Variants in CGGBP1 observed in about 807,000 individuals in gnomAD.
CGGBP1 encodes CGG triplet repeat-binding protein 1.
In CGGBP1, 4 loss-of-function variants were observed where a neutral mutation model predicts 11.4. The ratio of observed to expected loss-of-function variants is 0.35; its 90% CI spans 0.17 to 0.80. The LOEUF is 0.80. CGGBP1 is among the 30% of genes least tolerant of loss of function. The pLI is 0.52. For synonymous variants in CGGBP1, 76 were observed against 74.1 expected, an observed-to-expected ratio of 1.03 and a Z score of -0.13; for missense variants, 135 against 202.1, an observed-to-expected ratio of 0.67 and a Z score of 2.01.
chr3:88,124,128 A>C (rs549890219), intron 2 of CGGBP1, among the ~76,000 whole-genome samples: 1 of 152,354 alleles, frequency 6.6e-6, no homozygotes, highest in South Asian at 2.1e-4. Flanking sequence ...GAACTGTTAA[A>C]ATACTAGAAG....
intron 2 of CGGBP1, chr3:88,135,431 A>G (rs1462376351): frequency 6.3e-6 from 2 of 318,508 alleles, no homozygotes; most frequent in Non-Finnish European, 1.1e-5. Context: ...TTCCATTACA[A>G]CCTTTTTTCT....
intron 2 of CGGBP1, among the ~76,000 whole-genome samples, chr3:88,069,612 A>G (rs1481978732): frequency 6.6e-6 from 1 of 152,230 alleles, no homozygotes; most frequent in African/African-American, 2.4e-5. Context: ...ATAATTGGCA[A>G]GCTTCAACAT....
At chr3:88,077,331 A>ATTTTTTTTTTTTTTTTTTTTT (rs372006323) in intron 2 of CGGBP1, among the ~76,000 whole-genome samples, 1 of 139,694 alleles carries the variant, frequency 7.2e-6, no homozygotes. Flanking sequence ...GCAGACTTAA[A>ATTTTTTTTTTTTTTTTTTTTT]TTGTTTTTTT....
chr3:88,088,143 T>G (rs1708433913), intron 2 of CGGBP1, among the ~76,000 whole-genome samples: 1 of 152,222 alleles, frequency 6.6e-6, no homozygotes, highest in African/African-American at 2.4e-5. Flanking sequence ...CTTTGCATTC[T>G]GGCATTTACA....
intron 2 of CGGBP1, among the ~76,000 whole-genome samples, chr3:88,075,593 T>A (rs1220359767): frequency 6.6e-6 from 1 of 152,226 alleles, no homozygotes; most frequent in African/African-American, 2.4e-5. Context: ...TTTTAATTAT[T>A]CCAGGCCTTG....
intron 1 of CGGBP1, among the ~76,000 whole-genome samples, chr3:88,145,087 A>G (rs1009233459): frequency 6.6e-6 from 1 of 152,040 alleles, no homozygotes; most frequent in Non-Finnish European, 1.5e-5. Flanking sequence ...GACTGAAATC[A>G]TTTTGAAATA....
At chr3:88,059,627 T>A, upstream of CGGBP1, 1 of 1,318,790 alleles carries the variant, frequency 7.6e-7, no homozygotes, top group Non-Finnish European at 9.8e-7. Flanking sequence ...ACAAGGAGGG[T>A]GAGGCTGAAG....
intron 2 of CGGBP1, among the ~76,000 whole-genome samples, chr3:88,100,931 C>CA (rs958666229): frequency 1.3e-5 from 2 of 152,126 alleles, no homozygotes; most frequent in African/African-American, 4.8e-5. Flanking sequence ...GCACGTTGTG[C>CA]ACATGTACCC....
intron 2 of CGGBP1, among the ~76,000 whole-genome samples, chr3:88,103,063 T>G (rs1400270618): frequency 6.6e-6 from 1 of 152,056 alleles, no homozygotes; most frequent in African/African-American, 2.4e-5. Context: ...CCCTTATAAG[T>G]GAGCACATGT....
intron 2 of CGGBP1, among the ~76,000 whole-genome samples, chr3:88,071,730 G>A (rs1252057819): frequency 6.6e-6 from 1 of 152,108 alleles, no homozygotes; most frequent in Non-Finnish European, 1.5e-5. Flanking sequence ...CTTGAACCCG[G>A]GAGGCAGAGG....
intron 2 of CGGBP1, among the ~76,000 whole-genome samples, chr3:88,128,215 G>A (rs1393616264): frequency 6.6e-6 from 1 of 151,964 alleles, no homozygotes; most frequent in Non-Finnish European, 1.5e-5. Context: ...TTAAAATTGT[G>A]TAAAGTATTA....
chr3:88,084,479 G>T (rs935121708), intron 2 of CGGBP1, among the ~76,000 whole-genome samples: 2 of 152,180 alleles, frequency 1.3e-5, no homozygotes, highest in African/African-American at 4.8e-5. Flanking sequence ...TTAGTCTGTA[G>T]TGATGACCGC....
At chr3:88,092,105 A>T (rs1703777312) in intron 2 of CGGBP1, among the ~76,000 whole-genome samples, 1 of 152,216 alleles carries the variant, frequency 6.6e-6, no homozygotes, top group Non-Finnish European at 1.5e-5. Context: ...ATTTGTATTT[A>T]CTTTACAGAG....
intron 2 of CGGBP1, among the ~76,000 whole-genome samples, chr3:88,088,964 G>A (rs1360811933): frequency 5.3e-5 from 8 of 151,718 alleles, no homozygotes; most frequent in African/African-American, 1.5e-4. Context: ...GTAGAGATGG[G>A]ATTTCACCAT....
At chr3:88,065,766 C>T (rs1663354612) in intron 2 of CGGBP1, among the ~76,000 whole-genome samples, 1 of 152,104 alleles carries the variant, frequency 6.6e-6, no homozygotes, top group Non-Finnish European at 1.5e-5. Context: ...GGCTGTGTCG[C>T]TCAGGCTGGA....
chr3:88,060,583 A>T (rs1181155919), upstream of CGGBP1, among the ~76,000 whole-genome samples: 1 of 152,178 alleles, frequency 6.6e-6, no homozygotes, highest in African/African-American at 2.4e-5. Context: ...TCCTGGCAGA[A>T]ATTATTACCT....
chr3:88,122,983 C>T (rs542082615), intron 2 of CGGBP1, among the ~76,000 whole-genome samples: 2 of 146,218 alleles, frequency 1.4e-5, no homozygotes, highest in South Asian at 2.1e-4. Context: ...GCACTCCTGC[C>T]TGGGCGACAG....
In CGGBP1 at chr3:88,145,828, C is replaced by CA. The variant is rs1443524291; in HGVS notation, c.-338+3882dup. ...TGTGCTGCCTCTAATTGTCACAACTCAAGGGTAAATATGAACACTGCTCTT... is the reference window on the plus strand; with the variant it reads ...TGTGCTGCCTCTAATTGTCACAACTCAAAGGGTAAATATGAACACTGCTCTT... On this transcript the variant is annotated intron_variant, in intron 1 of 3. Transcript: ENST00000462901. 2.0e-5 allele frequency among the ~76,000 whole-genome samples: 3 copies of CA among 152,250 alleles called. No homozygotes were observed. The East Asian group carries it at 5.8e-4, about 29-fold the overall frequency.
intron 2 of CGGBP1, among the ~76,000 whole-genome samples, chr3:88,137,194 C>CAAAAA (rs11401199): frequency 7.1e-5 from 5 of 70,740 alleles, no homozygotes; most frequent in African/African-American, 1.3e-4. Flanking sequence ...GACTCTGTCT[C>CAAAAA]AAAAAAAAAA....
Sources: gnomAD v4.1 joint callset for allele counts (sites outside exome capture counted in the v4.1 genomes callset) on GRCh38, gnomAD v4.1.1 for gene constraint, MANE v1.5 for transcripts, NCBI Gene and HGNC (gene_info 2026-07-23, HGNC 2026-07-21) for gene names.